FTO: variants seen among roughly 807,000 people sequenced by gnomAD.
The protein encoded by FTO is FTO alpha-ketoglutarate dependent dioxygenase, also known as alpha-ketoglutarate-dependent dioxygenase FTO.
Under a neutral mutation model 63.9 loss-of-function variants are expected in FTO, and 47 were observed. That is an observed-to-expected ratio of 0.74 (90% CI 0.58 to 0.94). The LOEUF is 0.94. Among genes scored for constraint, FTO ranks in the 40% least tolerant of loss-of-function variants. The pLI is 0.00. For missense variants in FTO, 562 were observed against 618.1 expected, an observed-to-expected ratio of 0.91 and a Z score of 0.96; for synonymous variants, 207 against 224.4, an observed-to-expected ratio of 0.92 and a Z score of 0.69.
intron 1 of FTO, among the ~76,000 whole-genome samples, chr16:53,783,604 T>TATCAAAAAAAAAAAAAAAAA (rs397716766): frequency 1.5e-5 from 1 of 68,146 alleles, no homozygotes; most frequent in African/African-American, 5.9e-5. Flanking sequence ...CAAGACTCCA[T>TATCAAAAAAAAAAAAAAAAA]AAAAAAAAAA....
chr16:53,768,285 C>T (rs967208904), intron 1 of FTO, among the ~76,000 whole-genome samples: 5 of 152,190 alleles, frequency 3.3e-5, no homozygotes, highest in Non-Finnish European at 5.9e-5. Context: ...GCACATCTGC[C>T]TGTCTTTTTG....
chr16:53,819,843 A>G, intron 2 of FTO, among the ~76,000 whole-genome samples: 1 of 152,136 alleles, frequency 6.6e-6, no homozygotes, highest in African/African-American at 2.4e-5. Flanking sequence ...CACCCCAAAA[A>G]GATCTCTCAT....
intron 8 of FTO, 107 bp downstream of exon 8, chr16:53,934,216 GAA>G: frequency 8.2e-7 from 1 of 1,219,114 alleles, no homozygotes; most frequent in East Asian, 2.4e-5. Flanking sequence ...GAGGGCCCAT[GAA>G]AAATAAGCAC....
intron 8 of FTO, among the ~76,000 whole-genome samples, chr16:54,069,208 TGGCACACTC>T (rs570814346): frequency 6.8e-4 from 104 of 152,296 alleles, no homozygotes; most frequent in African/African-American, 2.3e-3. Context: ...ATTCAGGATT[TGGCACACTC>T]GGCCAGACCC....
At chr16:53,743,520 T>C (rs2076576211) in intron 1 of FTO, among the ~76,000 whole-genome samples, 1 of 150,114 alleles carries the variant, frequency 6.7e-6, no homozygotes, top group Non-Finnish European at 1.5e-5. Context: ...GTCTTTGATA[T>C]CTCTTTCTCA....
intron 3 of FTO, among the ~76,000 whole-genome samples, chr16:53,839,374 A>G (rs1007199174): frequency 1.3e-5 from 2 of 152,180 alleles, no homozygotes; most frequent in Non-Finnish European, 1.5e-5. Context: ...TACAGTTGCT[A>G]TAGGTAATTA....
chr16:53,805,517 G>A (rs1240926625), intron 1 of FTO, among the ~76,000 whole-genome samples: 2 of 148,990 alleles, frequency 1.3e-5, no homozygotes, highest in African/African-American at 2.5e-5. Context: ...GCGTGATCTC[G>A]GCTCACTGCA....
At chr16:53,738,581 A>G (rs2076446853) in intron 1 of FTO, among the ~76,000 whole-genome samples, 1 of 152,130 alleles carries the variant, frequency 6.6e-6, no homozygotes, top group Admixed American at 6.5e-5. Flanking sequence ...GTGTGGCCAT[A>G]TGTTTTCATT....
intron 8 of FTO, chr16:53,985,019 AG>A: frequency 2.2e-6 from 1 of 455,740 alleles, no homozygotes; most frequent in Non-Finnish European, 4.4e-6. Flanking sequence ...GGTGAAGTTT[AG>A]TTTAAAACCT....
intron 8 of FTO, among the ~76,000 whole-genome samples, chr16:54,097,390 G>T (rs191875945): frequency 1.5e-3 from 233 of 152,064 alleles, no homozygotes; most frequent in African/African-American, 5.5e-3. Flanking sequence ...GCCCAGGCTG[G>T]AGTGCAGTGG....
chr16:53,808,384 G>A (rs1379256449), intron 1 of FTO, among the ~76,000 whole-genome samples: 2 of 151,952 alleles, frequency 1.3e-5, no homozygotes, highest in Non-Finnish European at 2.9e-5. Flanking sequence ...CCTTTTCGTT[G>A]TAAATGAGAA....
At chr16:53,732,643 C>T (rs1306615861) in intron 1 of FTO, among the ~76,000 whole-genome samples, 1 of 152,164 alleles carries the variant, frequency 6.6e-6, no homozygotes, top group Non-Finnish European at 1.5e-5. Context: ...ACTTTCCCTT[C>T]TGATAAAAGG....
At position 53,775,313 on chromosome 16, in the gene FTO, T is replaced by C. The variant is rs569043600; in HGVS notation, c.46-34827T>C. On this transcript the variant is annotated intron_variant, in intron 1 of 8. Coordinates refer to ENST00000471389, the MANE Select transcript of FTO (RefSeq NM_001080432.3). Reference sequence around the variant, plus strand: ...ATTTCTTATATGGCCCCACCTTTCCTAGTCACGTGTCTTGGTACTATGTGA... The same window carrying C: ...ATTTCTTATATGGCCCCACCTTTCCCAGTCACGTGTCTTGGTACTATGTGA... 8.0e-4 allele frequency among the ~76,000 whole-genome samples: 122 copies of C among 152,282 alleles called. 4 individuals are homozygous for C. In the South Asian group the frequency reaches 0.025, roughly 31 times the overall value.
At position 53,738,129 on chromosome 16, in the gene FTO, G is replaced by A. The variant is rs551077820; in HGVS notation, c.45+33900G>A. Among the ~76,000 whole-genome samples, 4 of 150,884 alleles carry A rather than the reference G, an allele frequency of 2.7e-5. No individual in the cohort carries two copies. The East Asian group carries it at 5.9e-4, about 22-fold the overall frequency. On this transcript the variant is annotated intron_variant, in intron 1 of 8. Coordinates refer to ENST00000471389, the MANE Select transcript of FTO (RefSeq NM_001080432.3). The stretch of plus-strand genomic sequence containing the variant: ...CAACCTCCGCCTCCTGGGTTCAAGC[G>A]ATTCTGCCTCAGCCTTCCGGGTAGC...
intron 2 of FTO, among the ~76,000 whole-genome samples, chr16:53,811,498 T>C (rs952765854): frequency 1.3e-5 from 2 of 152,192 alleles, no homozygotes; most frequent in African/African-American, 2.4e-5. Flanking sequence ...CTTATCTCCA[T>C]TCCCATTTGA....
intron 8 of FTO, among the ~76,000 whole-genome samples, chr16:54,056,955 A>C (rs1315436699): frequency 6.6e-6 from 1 of 152,214 alleles, no homozygotes; most frequent in East Asian, 1.9e-4. Context: ...TTGAATGACA[A>C]CTTTGCCAGG....
At chr16:53,936,545 GA>G (rs1375852325) in intron 8 of FTO, among the ~76,000 whole-genome samples, 1 of 152,216 alleles carries the variant, frequency 6.6e-6, no homozygotes, top group Non-Finnish European at 1.5e-5. Context: ...GGGTGGTGGT[GA>G]AAGTTATAAA....
intron 1 of FTO, among the ~76,000 whole-genome samples, chr16:53,778,657 C>A (rs143366806): frequency 6.6e-6 from 1 of 152,090 alleles, no homozygotes; most frequent in African/African-American, 2.4e-5. Flanking sequence ...TCTTGAAGGC[C>A]AATTTCCTTT....
At chr16:53,749,925 AG>A (rs2076743651) in intron 1 of FTO, among the ~76,000 whole-genome samples, 1 of 152,184 alleles carries the variant, frequency 6.6e-6, no homozygotes, top group African/African-American at 2.4e-5. Context: ...TCCTTCATGT[AG>A]AATGTAATTT....
Sources: gnomAD v4.1 joint callset for allele counts (sites outside exome capture counted in the v4.1 genomes callset) on GRCh38, gnomAD v4.1.1 for gene constraint, MANE v1.5 for transcripts, NCBI Gene and HGNC (gene_info 2026-07-23, HGNC 2026-07-21) for gene names.